Variants in FIGN observed in about 807,000 individuals in gnomAD.
FIGN encodes the protein fidgetin, microtubule severing factor.
FIGN carries 11 observed loss-of-function variants against 51.3 expected under a neutral mutation model. The ratio of observed to expected loss-of-function variants is 0.21; its 90% CI spans 0.13 to 0.35. The LOEUF (loss-of-function observed/expected upper bound fraction) is 0.35, where lower values mean the gene tolerates loss of function less well. FIGN is among the 10% of genes least tolerant of loss of function. The pLI is 1.00. For missense variants in FIGN, 857 were observed against 943.6 expected (o/e 0.91, Z 1.20); for synonymous variants, 407 against 363.2 (o/e 1.12, Z -1.37).
chr2:163,685,920 G>A (rs775597115), intron 2 of FIGN, among the ~76,000 whole-genome samples: 7 of 152,120 alleles, frequency 4.6e-5, no homozygotes, highest in Non-Finnish European at 8.8e-5. Context: ...GAAAACATCT[G>A]AAGACAACAA....
At chr2:163,722,400 G>A (rs1408871302) in intron 2 of FIGN, among the ~76,000 whole-genome samples, 3 of 152,122 alleles carry the variant, frequency 2.0e-5, no homozygotes, top group Non-Finnish European at 4.4e-5. Flanking sequence ...TGCCTTAGGA[G>A]GTACTTATTT....
intron 2 of FIGN, among the ~76,000 whole-genome samples, chr2:163,684,166 T>TACAC (rs144392438): frequency 9.3e-5 from 14 of 151,098 alleles, no homozygotes; most frequent in East Asian, 1.9e-4. Flanking sequence ...AAATTATCTT[T>TACAC]ACACACACAC....
intron 2 of FIGN, among the ~76,000 whole-genome samples, chr2:163,620,624 T>A (rs1043216640): frequency 1.3e-5 from 2 of 152,198 alleles, no homozygotes; most frequent in Non-Finnish European, 2.9e-5. Context: ...CTTTATTTTT[T>A]AAAATATTTT....
intron 2 of FIGN, chr2:163,612,295 A>G (rs1268842299): frequency 3.0e-6 from 3 of 985,076 alleles, no homozygotes; most frequent in Non-Finnish European, 3.6e-6. Context: ...CAATATAAAA[A>G]TGAGACACAG....
chr2:163,652,465 T>A (rs1046819599), intron 2 of FIGN, among the ~76,000 whole-genome samples: 6 of 106,906 alleles, frequency 5.6e-5, no homozygotes, highest in Non-Finnish European at 1.0e-4. Flanking sequence ...TTCTACATAG[T>A]TTTAATATAT....
intron 2 of FIGN, among the ~76,000 whole-genome samples, chr2:163,712,131 G>C (rs1684596805): frequency 6.6e-6 from 1 of 152,184 alleles, no homozygotes; most frequent in Admixed American, 6.5e-5. Flanking sequence ...CACTTGTAAA[G>C]GGTAACCCTA....
intron 2 of FIGN, among the ~76,000 whole-genome samples, chr2:163,636,586 T>C (rs1266089429): frequency 6.6e-6 from 1 of 152,128 alleles, no homozygotes; most frequent in Non-Finnish European, 1.5e-5. Flanking sequence ...CTCCCGACTC[T>C]AATGGTGATA....
chr2:163,676,867 T>C (rs181389264), intron 2 of FIGN, among the ~76,000 whole-genome samples: 197 of 152,208 alleles, frequency 1.3e-3, no homozygotes, highest in Non-Finnish European at 2.3e-3. Flanking sequence ...GGAAATTCCA[T>C]AGTTTATAAT....
rs555924945 is a variant in FIGN at position 163,609,555 on chromosome 2, C to T, written c.2277G>A (p.Gln759=). 2 of 1,602,624 alleles carry T rather than the reference C, an allele frequency of 1.2e-6. No homozygotes were observed. The highest frequency in any genetic ancestry group is 1.7e-5 in the Admixed American group (1 of 59,022). ...VEWNKMFGCS[Q] is the part of the protein sequence containing the mutation. ...TTTTTTTTTTCTAAAGAAGTTATCA[C>T]TGACTGCAACCAAACATTTTGTTCC... Residue 759 remains glutamine (Q), a synonymous_variant, in exon 3 of 3, where the codon CAG becomes CAA. Coordinates refer to ENST00000333129, the MANE Select transcript of FIGN (RefSeq NM_018086.4).
intron 2 of FIGN, among the ~76,000 whole-genome samples, chr2:163,647,891 C>G (rs914146635): frequency 6.6e-6 from 1 of 151,704 alleles, no homozygotes; most frequent in African/African-American, 2.4e-5. Context: ...TGTAGAGAGA[C>G]GGAGAGATAA....
chr2:163,655,161 C>A (rs1683539576), intron 2 of FIGN, among the ~76,000 whole-genome samples: 1 of 151,848 alleles, frequency 6.6e-6, no homozygotes, highest in African/African-American at 2.4e-5. Flanking sequence ...CGGGCCATGA[C>A]CTTCTTTGAA....
intron 2 of FIGN, among the ~76,000 whole-genome samples, chr2:163,692,305 G>A (rs1229669720): frequency 1.3e-5 from 2 of 152,170 alleles, no homozygotes; most frequent in Non-Finnish European, 2.9e-5. Context: ...AGTAGGAGGT[G>A]TTGGTCCCTT....
intron 2 of FIGN, among the ~76,000 whole-genome samples, chr2:163,637,105 A>G (rs1263533534): frequency 1.3e-5 from 2 of 152,148 alleles, no homozygotes; most frequent in African/African-American, 4.8e-5. Flanking sequence ...AACGGAACAC[A>G]GAGCATCATT....
chr2:163,719,942 C>T (rs1468972602), intron 2 of FIGN, among the ~76,000 whole-genome samples: 1 of 152,138 alleles, frequency 6.6e-6, no homozygotes, highest in Non-Finnish European at 1.5e-5. Context: ...AACTTATTAT[C>T]ACCATTAATG....
chr2:163,702,958 A>C (rs1168149491), intron 2 of FIGN, among the ~76,000 whole-genome samples: 1 of 151,958 alleles, frequency 6.6e-6, no homozygotes, highest in East Asian at 1.9e-4. Flanking sequence ...CCCCATACTA[A>C]AAGCTCGGCA....
chr2:163,629,953 T>C (rs35519105), intron 2 of FIGN, among the ~76,000 whole-genome samples: 3 of 58,124 alleles, frequency 5.2e-5, no homozygotes, highest in African/African-American at 7.5e-5. Context: ...AAAGGGGCAC[T>C]TTTTTTTTTT....
At chr2:163,727,428 T>C (rs1300091846) in intron 2 of FIGN, among the ~76,000 whole-genome samples, 1 of 151,958 alleles carries the variant, frequency 6.6e-6, no homozygotes, top group Non-Finnish European at 1.5e-5. Context: ...AATTTTTACT[T>C]AAATGGGACA....
chr2:163,654,240 A>G (rs1450523716), intron 2 of FIGN, among the ~76,000 whole-genome samples: 2 of 152,260 alleles, frequency 1.3e-5, no homozygotes, highest in East Asian at 1.9e-4. Context: ...TTGCTATGCA[A>G]TATTTAATAT....
At chr2:163,676,457 A>C (rs1346903879) in intron 2 of FIGN, among the ~76,000 whole-genome samples, 1 of 93,792 alleles carries the variant, frequency 1.1e-5, no homozygotes, top group East Asian at 6.4e-4. Flanking sequence ...ATATATATAT[A>C]TATATATATA....
Sources: gnomAD v4.1 joint callset for allele counts (sites outside exome capture counted in the v4.1 genomes callset) on GRCh38, gnomAD v4.1.1 for gene constraint, MANE v1.5 for transcripts, NCBI Gene and HGNC (gene_info 2026-07-23, HGNC 2026-07-21) for gene names.